ITGB3BP: variants seen among roughly 807,000 people sequenced by gnomAD.
ITGB3BP encodes the protein centromere protein R.
ITGB3BP carries 27 observed loss-of-function variants against 29.1 expected under a neutral mutation model. The observed-to-expected ratio is 0.93, with a 90% confidence interval of 0.68 to 1.28. The LOEUF (loss-of-function observed/expected upper bound fraction) is 1.28, where lower values mean the gene tolerates loss of function less well. ITGB3BP is among the 50% of genes most tolerant of loss of function. The probability of loss-of-function intolerance (pLI) is 0.00; values close to 1 mark genes in which losing one functional copy is unlikely to be tolerated. For missense variants in ITGB3BP, 192 were observed against 200.2 expected (o/e 0.96, Z 0.25); for synonymous variants, 61 against 61.4 (o/e 0.99, Z 0.03).
Position 63,454,023 on chromosome 1 carries a change from A to G in ITGB3BP, c.428-49T>C. The G allele has an allele frequency of 9.7e-7, 1 of 1,031,162 alleles. No homozygotes were observed. The highest frequency in any genetic ancestry group is 1.4e-5 in the South Asian group (1 of 70,240). 63.9% of individuals were successfully genotyped at this position (1,031,162 alleles called of 1,614,324 possible). On this transcript the variant is annotated intron_variant, in intron 6 of 8. Coordinates refer to ENST00000271002, the MANE Select transcript of ITGB3BP (RefSeq NM_014288.5). The surrounding 1 kb of genome is among the most constrained non-coding windows in gnomAD (Gnocchi z 4.1). ...TCAAGAATTAACATAGAATATGGAT[A>G]ATTTCTCAATACTTGCAACAAACAA...
chr1:63,449,183 C>G (rs759459466), intron 7 of ITGB3BP: 1 of 152,490 alleles, frequency 6.6e-6, no homozygotes, highest in African/African-American at 2.4e-5. Context: ...AATCTCTCAC[C>G]ACACACAAAT....
At chr1:63,446,308 T>C (rs1243612335) in intron 8 of ITGB3BP, among the ~76,000 whole-genome samples, 1 of 152,222 alleles carries the variant, frequency 6.6e-6, no homozygotes, top group African/African-American at 2.4e-5. Flanking sequence ...TATAAACACA[T>C]CATTTTTACT....
At position 63,475,725 on chromosome 1, in the gene ITGB3BP, C is replaced by T. The variant is rs532923540; in HGVS notation, c.254+3039G>A. Among the ~76,000 whole-genome samples, 20 of 152,156 alleles carry T rather than the reference C, an allele frequency of 1.3e-4. No homozygotes were observed. In the South Asian group the frequency reaches 2.5e-3, roughly 19 times the overall value. On this transcript the variant is annotated intron_variant, in intron 4 of 8. Coordinates refer to ENST00000271002, the MANE Select transcript of ITGB3BP (RefSeq NM_014288.5). ...ATCAGAAATGCATCCTGGCCAGGTG[C>T]GGTGGCTCATGCCTGTAATCCCAGC...
At chr1:63,504,295 C>A (rs1444658660) in intron 2 of ITGB3BP, among the ~76,000 whole-genome samples, 1 of 151,886 alleles carries the variant, frequency 6.6e-6, no homozygotes, top group Admixed American at 6.6e-5. Flanking sequence ...GGAGTTCACT[C>A]ATGATTTGGC....
intron 4 of ITGB3BP, among the ~76,000 whole-genome samples, chr1:63,477,005 G>A (rs1359184973): frequency 3.3e-5 from 5 of 152,184 alleles, no homozygotes; most frequent in Non-Finnish European, 7.3e-5. Flanking sequence ...TTGATTAGGA[G>A]TAGGAAGAAA....
At chr1:63,519,181 G>T in intron 1 of ITGB3BP, among the ~76,000 whole-genome samples, 1 of 152,098 alleles carries the variant, frequency 6.6e-6, no homozygotes, top group East Asian at 1.9e-4. Context: ...AATTGAAAAT[G>T]TTAGTTGAAA....
chr1:63,492,577 CATT>C (rs1425187443), intron 2 of ITGB3BP, among the ~76,000 whole-genome samples: 2 of 152,082 alleles, frequency 1.3e-5, no homozygotes, highest in African/African-American at 4.8e-5. Flanking sequence ...TTGGCCTACT[CATT>C]AGTCTCCCAC....
At chr1:63,510,175 A>G (rs1646169287) in intron 1 of ITGB3BP, 1 of 523,102 alleles carries the variant, frequency 1.9e-6, no homozygotes, top group Non-Finnish European at 3.5e-6. Flanking sequence ...GGGCAACGGG[A>G]GCAAAACTGT....
At chr1:63,475,997 C>CAA (rs71052481) in intron 4 of ITGB3BP, among the ~76,000 whole-genome samples, 1,406 of 104,242 alleles carry the variant, frequency 0.013, 25 homozygotes, top group East Asian at 0.07. Flanking sequence ...GACACTGTCT[C>CAA]AAAAAAAAAA....
chr1:63,510,112 C>T (rs1005936914), intron 1 of ITGB3BP: 28 of 632,530 alleles, frequency 4.4e-5, no homozygotes, highest in Admixed American at 3.0e-4. Flanking sequence ...ATCGCTTGAA[C>T]GCGGGAAGCA....
chr1:63,486,682 T>C (rs1645537241), intron 3 of ITGB3BP, among the ~76,000 whole-genome samples: 3 of 152,180 alleles, frequency 2.0e-5, no homozygotes, highest in African/African-American at 7.2e-5. Context: ...TGTAATGTCA[T>C]GATTTTTCTC....
chr1:63,487,997 T>G (rs1433109447), intron 3 of ITGB3BP, among the ~76,000 whole-genome samples: 1 of 152,146 alleles, frequency 6.6e-6, no homozygotes, highest in African/African-American at 2.4e-5. Flanking sequence ...ATGTGCTGCA[T>G]GAACGCATCT....
chr1:63,451,734 T>A (rs921945530), intron 7 of ITGB3BP: 8 of 151,920 alleles, frequency 5.3e-5, no homozygotes, highest in Non-Finnish European at 8.8e-5. Flanking sequence ...ACAACAAAAA[T>A]AAGCTTTAAT....
intron 4 of ITGB3BP, among the ~76,000 whole-genome samples, chr1:63,472,428 TC>T (rs1204278082): frequency 1.7e-5 from 2 of 119,030 alleles, no homozygotes; most frequent in African/African-American, 6.3e-5. Flanking sequence ...TTAAAACTGA[TC>T]CACCCTCTCC....
At chr1:63,502,906 T>A (rs897457261) in intron 2 of ITGB3BP, among the ~76,000 whole-genome samples, 2 of 152,158 alleles carry the variant, frequency 1.3e-5, no homozygotes, top group Admixed American at 1.3e-4. Context: ...CTTAATCCAG[T>A]CTATCGTTGT....
At chr1:63,443,931 C>T (rs189114682) in intron 8 of ITGB3BP, among the ~76,000 whole-genome samples, 2 of 151,780 alleles carry the variant, frequency 1.3e-5, no homozygotes, top group African/African-American at 4.8e-5. Context: ...GCCCAGGAGA[C>T]TATAATAATT....
At chr1:63,446,696 C>G in intron 8 of ITGB3BP, 110 bp downstream of exon 8, 1 of 785,928 alleles carries the variant, frequency 1.3e-6, no homozygotes. Context: ...TCCCTATTTT[C>G]TTACAGGAAG....
chr1:63,446,919 A>G (rs1246509071), intron 7 of ITGB3BP, 63 bp from the exon 8 acceptor site: 24 of 1,167,748 alleles, frequency 2.1e-5, no homozygotes, highest in East Asian at 4.7e-5. Flanking sequence ...GCCACAGTAT[A>G]TGATGCAGAA....
intron 1 of ITGB3BP, among the ~76,000 whole-genome samples, chr1:63,510,539 T>C (rs1020295114): frequency 4.6e-5 from 7 of 152,176 alleles, no homozygotes; most frequent in African/African-American, 1.4e-4. Flanking sequence ...TTACTGAGGG[T>C]AGTGTACTAT....
Sources: allele counts gnomAD v4.1 joint callset (sites outside exome capture counted in the v4.1 genomes callset), GRCh38; gene constraint gnomAD v4.1.1; non-coding constraint Gnocchi (gnomAD v3.1); transcripts MANE v1.5; gene names NCBI Gene and HGNC (gene_info 2026-07-23, HGNC 2026-07-21).